DLC1: variants seen among roughly 807,000 people sequenced by gnomAD.
The protein encoded by DLC1 is rho GTPase-activating protein 7.
DLC1 carries 54 observed loss-of-function variants against 140.3 expected under a neutral mutation model. The observed-to-expected ratio is 0.38, with a 90% CI of 0.31 to 0.48. The LOEUF (loss-of-function observed/expected upper bound fraction) is 0.48. DLC1 is among the 20% of genes least tolerant of loss of function. DLC1 has a pLI of 0.96. For missense variants in DLC1, 2,536 were observed against 1,907.0 expected (o/e 1.33, Z -6.14); for synonymous variants, 986 against 728.1 (o/e 1.35, Z -5.70).
At chr8:13,388,360 G>T (rs905447992) in intron 4 of DLC1, among the ~76,000 whole-genome samples, 17 of 152,052 alleles carry the variant, frequency 1.1e-4, no homozygotes, top group Admixed American at 2.0e-4. Flanking sequence ...TTTCTGTTTT[G>T]AAACTATTTC....
chr8:13,197,576 G>C (rs960970462), intron 5 of DLC1, among the ~76,000 whole-genome samples: 11 of 152,014 alleles, frequency 7.2e-5, no homozygotes, highest in African/African-American at 2.7e-4. Context: ...TCGATCTCCT[G>C]ACGTTGTGAT....
chr8:13,541,806 C>G (rs766188394), intron 1 of DLC1, among the ~76,000 whole-genome samples: 46 of 152,158 alleles, frequency 3.0e-4, no homozygotes, highest in Non-Finnish European at 5.3e-4. Flanking sequence ...GCCTCGGCCT[C>G]CCAAAGTGCT....
chr8:13,263,321 G>A (rs945848333), intron 5 of DLC1, among the ~76,000 whole-genome samples: 3 of 151,954 alleles, frequency 2.0e-5, no homozygotes, highest in South Asian at 2.1e-4. Context: ...TCAGATGGTC[G>A]CTCTTTCCAT....
intron 1 of DLC1, among the ~76,000 whole-genome samples, chr8:13,543,246 G>A (rs1053205495): frequency 6.6e-6 from 1 of 152,042 alleles, no homozygotes; most frequent in Non-Finnish European, 1.5e-5. Context: ...TGTATTGTTA[G>A]CCATAAAAAT....
chr8:13,403,414 C>A (rs1474406101), intron 2 of DLC1, among the ~76,000 whole-genome samples: 1 of 152,172 alleles, frequency 6.6e-6, no homozygotes, highest in Non-Finnish European at 1.5e-5. Flanking sequence ...GATAATGGAA[C>A]AATCTGATTA....
At chr8:13,419,919 A>C (rs1195045654) in intron 2 of DLC1, among the ~76,000 whole-genome samples, 1 of 152,148 alleles carries the variant, frequency 6.6e-6, no homozygotes, top group Non-Finnish European at 1.5e-5. Context: ...GAGAGATTCA[A>C]CTTCTTCCTG....
intron 4 of DLC1, among the ~76,000 whole-genome samples, chr8:13,371,941 G>C (rs1036366798): frequency 6.6e-6 from 1 of 152,262 alleles, no homozygotes; most frequent in African/African-American, 2.4e-5. Flanking sequence ...TACTGAGGAA[G>C]TATATCATAA....
chr8:13,315,492 G>A (rs759234554), intron 4 of DLC1, among the ~76,000 whole-genome samples: 5 of 152,224 alleles, frequency 3.3e-5, no homozygotes, highest in Non-Finnish European at 5.9e-5. Context: ...TCTATAAAAT[G>A]TAAGAGGAGT....
At chr8:13,185,122 C>CTG (rs1385667383) in intron 5 of DLC1, among the ~76,000 whole-genome samples, 82 of 84,564 alleles carry the variant, frequency 9.7e-4, no homozygotes, top group African/African-American at 4.2e-3. Flanking sequence ...GCAACCCCTG[C>CTG]TTTTTTTTTT....
At chr8:13,413,683 C>A (rs1357054945) in intron 2 of DLC1, among the ~76,000 whole-genome samples, 1 of 151,998 alleles carries the variant, frequency 6.6e-6, no homozygotes, top group East Asian at 1.9e-4. Context: ...ACTTCTCACA[C>A]GATCTGATGG....
At chr8:13,273,231 G>T (rs972278107) in intron 5 of DLC1, among the ~76,000 whole-genome samples, 53 of 152,154 alleles carry the variant, frequency 3.5e-4, no homozygotes, top group Non-Finnish European at 2.6e-4. Flanking sequence ...ATGAATCAAA[G>T]GGGAGGGGGT....
intron 1 of DLC1, among the ~76,000 whole-genome samples, chr8:13,588,394 G>C (rs945428193): frequency 6.6e-6 from 1 of 152,042 alleles, no homozygotes; most frequent in Non-Finnish European, 1.5e-5. Context: ...ACATTTAGGT[G>C]AATATATTCA....
chr8:13,391,337 C>T (rs1451102568), intron 4 of DLC1, among the ~76,000 whole-genome samples: 2 of 152,146 alleles, frequency 1.3e-5, no homozygotes, highest in Non-Finnish European at 2.9e-5. Context: ...TGCTTGTATT[C>T]CCAGATGACA....
In DLC1 at chr8:13,388,259, C is replaced by G. The variant is rs187567751; in HGVS notation, c.1314+5294G>C. On this transcript the variant is annotated intron_variant, in intron 4 of 17. Coordinates refer to ENST00000276297, the MANE Select transcript of DLC1 (RefSeq NM_182643.3). ...TTATAATTTTTATTTTTAAGTAGTGCTACCATTACTTTTTCAGTGGCAATA... is the reference window on the plus strand; with the variant it reads ...TTATAATTTTTATTTTTAAGTAGTGGTACCATTACTTTTTCAGTGGCAATA... Among the ~76,000 whole-genome samples, 316 of 152,034 alleles carry G rather than the reference C, an allele frequency of 2.1e-3. 12 individuals carry two copies. Among genetic ancestry groups the G allele is most frequent in the Admixed American group, 0.02 (312 of 15,256 alleles).
In DLC1 at chr8:13,208,745, GACACACACAC is replaced by G. The variant is rs56989279; in HGVS notation, c.1349-93098_1349-93089del. On this transcript the variant is annotated intron_variant, in intron 5 of 17. Coordinates refer to ENST00000276297, the MANE Select transcript of DLC1 (RefSeq NM_182643.3). The stretch of plus-strand genomic sequence containing the variant: ...CACACCACACACACACATACACACA[GACACACACAC>G]ACACACACACACACACACACTTCTA... 3.9e-3 allele frequency among the ~76,000 whole-genome samples: 578 copies of G among 147,898 alleles called. 3 individuals carry two copies. The highest frequency in any genetic ancestry group is 0.013 in the African/African-American group (536 of 40,660).
chr8:13,505,036 A>G (rs966970), intron 1 of DLC1, among the ~76,000 whole-genome samples: 9,622 of 152,290 alleles, frequency 0.063, 829 homozygotes, highest in East Asian at 0.38. Context: ...ATTTTATAAT[A>G]AAGTCAAGCA....
At position 13,356,021 on chromosome 8, in the gene DLC1, C is replaced by T. The variant is rs146548200; in HGVS notation, c.1314+37532G>A. Among the ~76,000 whole-genome samples the T allele has an allele frequency of 2.6e-3, 308 of 119,938 alleles. 2 individuals are homozygous for T. The highest frequency in any genetic ancestry group is 5.9e-4 in the Non-Finnish European group (37 of 62,804). The allele number at this position is 119,938 out of a possible 152,430, so 78.7% of individuals were successfully genotyped here. A position where few individuals can be genotyped will look rare whatever the true frequency, so the allele number is the denominator to read the frequency against. On this transcript the variant is annotated intron_variant, in intron 4 of 17. Coordinates refer to ENST00000276297, the MANE Select transcript of DLC1 (RefSeq NM_182643.3). ...AGGAGAATGGCATGAACTCAGGAGG[C>T]GGAGGTTGCAGTGAGCCGGGATCGC...
chr8:13,086,168 A>T, intron 17 of DLC1, 122 bp downstream of exon 17: 1 of 1,390,862 alleles, frequency 7.2e-7, no homozygotes, highest in Non-Finnish European at 9.7e-7. Flanking sequence ...TCTAAACACC[A>T]TTCTTCATGA....
chr8:13,124,345 G>A (rs910528776), intron 5 of DLC1, among the ~76,000 whole-genome samples: 1 of 152,170 alleles, frequency 6.6e-6, no homozygotes, highest in Admixed American at 6.5e-5. Context: ...AGGGGATTCG[G>A]TGTAAAGGAC....
Sources: gnomAD v4.1 joint callset for allele counts (sites outside exome capture counted in the v4.1 genomes callset) on GRCh38, gnomAD v4.1.1 for gene constraint, MANE v1.5 for transcripts, NCBI Gene and HGNC (gene_info 2026-07-23, HGNC 2026-07-21) for gene names.